LHFPL6: variants seen among roughly 807,000 people sequenced by gnomAD.
The protein encoded by LHFPL6 is LHFPL tetraspan subfamily member 6 protein.
Under a neutral mutation model 20.6 loss-of-function variants are expected in LHFPL6, and 9 were observed. The ratio of observed to expected loss-of-function variants is 0.44; its 90% CI spans 0.26 to 0.76. LHFPL6 has a LOEUF of 0.76. Ranked by LOEUF, LHFPL6 falls within the 30% of genes least tolerant of loss-of-function variation. The pLI, the probability that LHFPL6 is intolerant of heterozygous loss-of-function variation, is 0.20. For missense variants in LHFPL6, 218 were observed against 253.5 expected (o/e 0.86, Z 0.95); for synonymous variants, 105 against 98.7 (o/e 1.06, Z -0.38).
chr13:39,398,087 G>A lies in LHFPL6; in HGVS notation c.386-19561C>T, dbSNP rs1390293389. 2.0e-5 allele frequency among the ~76,000 whole-genome samples: 3 copies of A among 152,240 alleles called. No individual in the cohort carries two copies. The South Asian group carries it at 6.2e-4, about 32-fold the overall frequency. ...GGCCAGTCTTCAGGGTGTGTTCCGT[G>A]GGCCCTCCTCCGAGGACTGCATGGC... On this transcript the variant is annotated intron_variant, in intron 2 of 3. Coordinates refer to ENST00000379589, the MANE Select transcript of LHFPL6 (RefSeq NM_005780.3).
Position 39,450,857 on chromosome 13 carries a change from A to C in LHFPL6, c.386-72331T>G, listed in dbSNP as rs1055028884. Among the ~76,000 whole-genome samples the C allele has an allele frequency of 5.3e-5, 8 of 152,212 alleles. No homozygotes were observed. In the East Asian group the frequency reaches 1.5e-3, roughly 29 times the overall value. On this transcript the variant is annotated intron_variant, in intron 2 of 3. Transcript: ENST00000379589. ...GAATTATAAAATTAAATTAGACTATAAACATACAGTAACTGAGCAGTAGGG... is the reference window on the plus strand; with the variant it reads ...GAATTATAAAATTAAATTAGACTATCAACATACAGTAACTGAGCAGTAGGG...
At chr13:39,479,714 T>C (rs1425574050) in intron 2 of LHFPL6, among the ~76,000 whole-genome samples, 4 of 152,156 alleles carry the variant, frequency 2.6e-5, no homozygotes, top group African/African-American at 9.7e-5. Context: ...TTGAAAGAAC[T>C]CACAGACTAG....
rs569949664 is a variant in LHFPL6 at position 39,566,173 on chromosome 13, A to G, written c.385+34659T>C. On this transcript the variant is annotated intron_variant, in intron 2 of 3. Coordinates refer to ENST00000379589, the MANE Select transcript of LHFPL6 (RefSeq NM_005780.3). ...GAACAAAAACAGAAAAAGGAGGTAGAAGTCTTCATACAGAACTCTCAGCCC... is the reference window on the plus strand; with the variant it reads ...GAACAAAAACAGAAAAAGGAGGTAGGAGTCTTCATACAGAACTCTCAGCCC... 3.9e-5 allele frequency among the ~76,000 whole-genome samples: 6 copies of G among 152,324 alleles called. No individual in the cohort carries two copies. The East Asian group carries it at 1.2e-3, about 29-fold the overall frequency.
intron 3 of LHFPL6, among the ~76,000 whole-genome samples, chr13:39,364,741 G>A (rs1869967867): frequency 6.6e-6 from 1 of 152,062 alleles, no homozygotes; most frequent in Non-Finnish European, 1.5e-5. Flanking sequence ...TGCCATGGTG[G>A]TTTGCTGCAC....
In LHFPL6 at chr13:39,593,133, A is replaced by G. The variant is rs557347527; in HGVS notation, c.385+7699T>C. 7.2e-4 allele frequency among the ~76,000 whole-genome samples: 110 copies of G among 152,322 alleles called. 1 individual carries two copies. The highest frequency in any genetic ancestry group is 2.6e-3 in the African/African-American group (106 of 41,566). The stretch of plus-strand genomic sequence containing the variant: ...GAAGTTCTGGCCAGGACAATCAGGC[A>G]GGAGAAGGAAATAAAGGGTATTCAA... On this transcript the variant is annotated intron_variant, in intron 2 of 3. Transcript: ENST00000379589.
intron 2 of LHFPL6, among the ~76,000 whole-genome samples, chr13:39,537,199 T>C (rs908154365): frequency 6.6e-6 from 1 of 152,212 alleles, no homozygotes; most frequent in Non-Finnish European, 1.5e-5. Flanking sequence ...CTGAGAATAA[T>C]GGAACCGGTT....
At chr13:39,583,993 C>A (rs977212685) in intron 2 of LHFPL6, among the ~76,000 whole-genome samples, 1 of 152,134 alleles carries the variant, frequency 6.6e-6, no homozygotes, top group African/African-American at 2.4e-5. Flanking sequence ...TCGACTCCAG[C>A]CTGACTTCCT....
chr13:39,497,600 T>C (rs1869143044), intron 2 of LHFPL6, among the ~76,000 whole-genome samples: 1 of 152,220 alleles, frequency 6.6e-6, no homozygotes, highest in South Asian at 2.1e-4. Context: ...TTTCATTTTG[T>C]ATAGATATGG....
chr13:39,520,803 C>A (rs1042162479), intron 2 of LHFPL6, among the ~76,000 whole-genome samples: 2 of 152,164 alleles, frequency 1.3e-5, no homozygotes, highest in Non-Finnish European at 2.9e-5. Context: ...ACCCTGACTG[C>A]ACATTAGAAT....
intron 2 of LHFPL6, among the ~76,000 whole-genome samples, chr13:39,425,027 C>A (rs1400021582): frequency 1.3e-5 from 2 of 152,128 alleles, no homozygotes; most frequent in African/African-American, 2.4e-5. Context: ...ATATCTATCA[C>A]TCCCCAAAGG....
chr13:39,479,662 T>C (rs1023859271), intron 2 of LHFPL6, among the ~76,000 whole-genome samples: 1 of 152,176 alleles, frequency 6.6e-6, no homozygotes, highest in African/African-American at 2.4e-5. Flanking sequence ...TTGCCAGACA[T>C]TGTGCTAAAT....
chr13:39,579,211 T>C (rs940915743), intron 2 of LHFPL6, among the ~76,000 whole-genome samples: 11 of 152,082 alleles, frequency 7.2e-5, no homozygotes, highest in African/African-American at 1.2e-4. Context: ...TGAGGCTGCA[T>C]AGGAGTGAGG....
chr13:39,503,181 C>T (rs754919353), intron 2 of LHFPL6, among the ~76,000 whole-genome samples: 57 of 152,158 alleles, frequency 3.7e-4, no homozygotes, highest in Non-Finnish European at 7.1e-4. Flanking sequence ...CTACCTGACC[C>T]GGCACCCTCA....
At chr13:39,566,655 C>T (rs1871726082) in intron 2 of LHFPL6, among the ~76,000 whole-genome samples, 1 of 147,486 alleles carries the variant, frequency 6.8e-6, no homozygotes, top group East Asian at 2.0e-4. Flanking sequence ...ATCACCTGAG[C>T]CCAGGAAGTC....
chr13:39,562,641 CAT>C (rs1370892741), intron 2 of LHFPL6, among the ~76,000 whole-genome samples: 4 of 142,082 alleles, frequency 2.8e-5, no homozygotes, highest in Non-Finnish European at 6.1e-5. Flanking sequence ...TATATATACA[CAT>C]ATATACACAC....
At chr13:39,398,240 A>G (rs1309875570) in intron 2 of LHFPL6, among the ~76,000 whole-genome samples, 1 of 152,232 alleles carries the variant, frequency 6.6e-6, no homozygotes, top group East Asian at 1.9e-4. Context: ...AGCTCAATGA[A>G]ACAAAATTTT....
chr13:39,498,744 A>G (rs1388826975), intron 2 of LHFPL6, among the ~76,000 whole-genome samples: 1 of 152,226 alleles, frequency 6.6e-6, no homozygotes, highest in Admixed American at 6.5e-5. Context: ...CAAGGAGTGA[A>G]GTCCATAGTT....
chr13:39,428,645 A>C (rs1423424387), intron 2 of LHFPL6, among the ~76,000 whole-genome samples: 2 of 152,042 alleles, frequency 1.3e-5, no homozygotes, highest in African/African-American at 4.8e-5. Flanking sequence ...CTTCTCAACA[A>C]ACAAGCTTTT....
chr13:39,379,953 A>T (rs1870394358), intron 2 of LHFPL6, among the ~76,000 whole-genome samples: 1 of 152,234 alleles, frequency 6.6e-6, no homozygotes, highest in African/African-American at 2.4e-5. Flanking sequence ...AATATGAATT[A>T]TGTTGAAGCT....
Sources: gnomAD v4.1 joint callset for allele counts (sites outside exome capture counted in the v4.1 genomes callset) on GRCh38, gnomAD v4.1.1 for gene constraint, MANE v1.5 for transcripts, NCBI Gene and HGNC (gene_info 2026-07-23, HGNC 2026-07-21) for gene names.